Variants in SNRNP200 observed in about 807,000 individuals in gnomAD.
SNRNP200 encodes the protein U5 small nuclear ribonucleoprotein 200 kDa helicase.
A neutral mutation model predicts 255.2 loss-of-function variants in SNRNP200; 66 were observed. That is an observed-to-expected ratio of 0.26 (90% confidence interval 0.21 to 0.32). SNRNP200 has a LOEUF of 0.32. Ranked by LOEUF, SNRNP200 falls within the 10% of genes least tolerant of loss-of-function variation. SNRNP200 has a pLI of 1.00. For missense variants in SNRNP200, 1,585 were observed against 2,749.8 expected, an observed-to-expected ratio of 0.58 and a Z score of 9.47; for synonymous variants, 939 against 1,027.8, an observed-to-expected ratio of 0.91 and a Z score of 1.65.
chr2:96,293,770 T>C (rs2063899364), intron 14 of SNRNP200, among the ~76,000 whole-genome samples: 1 of 152,172 alleles, frequency 6.6e-6, no homozygotes, highest in South Asian at 2.1e-4. Flanking sequence ...GATAAATGAG[T>C]TTAAACTTTA....
chr2:96,292,830 A>C, intron 16 of SNRNP200, 142 bp downstream of exon 16: 2 of 926,450 alleles, frequency 2.2e-6, no homozygotes, highest in Non-Finnish European at 3.4e-6. Context: ...TAGGTTCTGT[A>C]GTAATATCCC....
At position 96,286,991 on chromosome 2, in the gene SNRNP200, C is replaced by T; in HGVS notation, c.3639+15G>A. ...AGCACCTCCAATCCAGCACCTCTGC[C>T]CAGCAAAGCCTCACCTTTTCATCCC... On this transcript the variant is annotated intron_variant, in intron 27 of 44. Transcript: ENST00000323853. This position sits in a 1 kb window ranked among gnomAD's most constrained non-coding sequence, Gnocchi z 4.8. 1 of 1,614,188 alleles carries T rather than the reference C, an allele frequency of 6.2e-7. No homozygotes were observed. The highest frequency in any genetic ancestry group is 8.5e-7 in the Non-Finnish European group (1 of 1,180,032).
rs77031376 is a variant in SNRNP200, at chr2:96,295,752, C to T, written c.1672-94G>A. On this transcript the variant is annotated intron_variant, in intron 13 of 44. Transcript: ENST00000323853. ...CAATTGGAGTGTAGGGCATTGGGAG[C>T]AGGTATCAACCCATCAGGTGAATAC... 6,802 of 1,295,636 alleles carry T rather than the reference C, an allele frequency of 5.2e-3. 277 individuals carry two copies. In the African/African-American group the frequency reaches 0.09, roughly 17 times the overall value. 80.3% of individuals were successfully genotyped at this position (1,295,636 alleles called of 1,614,324 possible).
intron 5 of SNRNP200, among the ~76,000 whole-genome samples, chr2:96,300,713 G>A (rs907371658): frequency 1.1e-4 from 16 of 151,754 alleles, no homozygotes; most frequent in Admixed American, 5.2e-4. Context: ...GCAGTGAGCC[G>A]AGATCGCACC....
rs570107661 is a variant in SNRNP200 at position 96,280,093 on chromosome 2, T to A, written c.5025-534A>T. The stretch of plus-strand genomic sequence containing the variant: ...CCAAACTTCATAGTTGTGTATTTCG[T>A]GAGTCATCAAGTCACCCAACTTTAA... On this transcript the variant is annotated intron_variant, in intron 35 of 44. Transcript: ENST00000323853. 2.0e-5 allele frequency among the ~76,000 whole-genome samples: 3 copies of A among 152,290 alleles called. No homozygotes were observed. In the South Asian group the frequency reaches 6.2e-4, roughly 32 times the overall value.
intron 2 of SNRNP200, among the ~76,000 whole-genome samples, chr2:96,304,356 G>C (rs747232988): frequency 6.6e-6 from 1 of 152,130 alleles, no homozygotes; most frequent in African/African-American, 2.4e-5. Flanking sequence ...ACGTGGACAA[G>C]AGTAAATGGA....
chr2:96,277,968 A>T lies in SNRNP200; in HGVS notation c.5611-18T>A, dbSNP rs1014990864. The T allele has an allele frequency of 3.7e-6, 6 of 1,614,092 alleles. No individual in the cohort carries two copies. Among genetic ancestry groups the T allele is most frequent in the Non-Finnish European group, 5.1e-6 (6 of 1,180,050 alleles). On this transcript the variant is annotated intron_variant, in intron 39 of 44. Transcript: ENST00000323853. The surrounding 1 kb of genome is among the most constrained non-coding windows in gnomAD (Gnocchi z 4.4). ...TGAGCCAACTACAAAGTGGAAGAAAAATAGCTGGTGATGAACAGGTGACCC... is the reference window on the plus strand; with the variant it reads ...TGAGCCAACTACAAAGTGGAAGAAATATAGCTGGTGATGAACAGGTGACCC...
intron 11 of SNRNP200, 101 bp downstream of exon 11, chr2:96,297,262 G>C: frequency 6.5e-7 from 1 of 1,548,872 alleles, no homozygotes; most frequent in Non-Finnish European, 8.9e-7. Context: ...TTTCAGCCCT[G>C]AAATAAACTA....
rs1206833231 is a variant in SNRNP200 at position 96,286,656 on chromosome 2, G to A, written c.3829+32C>T. The A allele has an allele frequency of 1.6e-5, 25 of 1,610,642 alleles. No individual in the cohort carries two copies. The highest frequency in any genetic ancestry group is 2.0e-5 in the Non-Finnish European group (24 of 1,178,338). On this transcript the variant is annotated intron_variant, in intron 28 of 44. Transcript: ENST00000323853. This position sits in a 1 kb window ranked among gnomAD's most constrained non-coding sequence, Gnocchi z 4.8. ...TTCTTCTACTGTCCTTGGAGGGACT[G>A]TTCCTGGGGACTCTGGAGAGGAGAC...
chr2:96,294,523 A>C (rs914043611), intron 14 of SNRNP200, among the ~76,000 whole-genome samples: 2 of 152,218 alleles, frequency 1.3e-5, no homozygotes, highest in African/African-American at 4.8e-5. Context: ...ATTGCAGCCA[A>C]AAGCAGCTGT....
Position 96,283,281 on chromosome 2 carries a change from G to A in SNRNP200, c.4835C>T (p.Thr1612Met), listed in dbSNP as rs1288236394. 5.6e-6 allele frequency: 9 copies of A among 1,613,946 alleles called. No homozygotes were observed. Among genetic ancestry groups the A allele is most frequent in the East Asian group, 2.2e-5 (1 of 44,888 alleles). ...EKLSDSTLKE[T>M]LLNGVGYLHE... ...CAGGTAGCCCACCCCATTTAGCAGC[G>A]TTTCCTTGAGCGTGCTGTCACTTAG... Residue 1612 changes from threonine (T) to methionine (M), a missense_variant, in exon 34 of 45, where the codon ACG (threonine) becomes ATG (methionine). Physicochemically the swap from Thr to Met is moderately conservative, Grantham distance 81 (BLOSUM62 -1). Coordinates refer to ENST00000323853, the MANE Select transcript of SNRNP200 (RefSeq NM_014014.5). This position sits in a 1 kb window ranked among gnomAD's most constrained non-coding sequence, Gnocchi z 4.7.
intron 8 of SNRNP200, 88 bp from the exon 9 acceptor site, chr2:96,298,508 A>G (rs1558771191): frequency 1.2e-6 from 2 of 1,610,150 alleles, no homozygotes; most frequent in Non-Finnish European, 1.7e-6. Context: ...AAAATAAAAG[A>G]AACAAGCACT....
At position 96,298,916 on chromosome 2, in the gene SNRNP200, G is replaced by T. The variant is rs746654808; in HGVS notation, c.781C>A (p.Arg261=). The T allele has an allele frequency of 1.9e-6, 3 of 1,614,006 alleles. No individual in the cohort carries two copies. Among genetic ancestry groups the T allele is most frequent in the Non-Finnish European group, 1.7e-6 (2 of 1,180,054 alleles). Residue 261 remains arginine, a synonymous_variant, in exon 7 of 45, where the codon CGG becomes AGG. Coordinates refer to ENST00000323853, the MANE Select transcript of SNRNP200 (RefSeq NM_014014.5). ...MSSKKKDLHP[R]DIDAFWLQRQ... ...TGCAGCCAAAATGCATCAATATCCC[G>T]AGGGTGCAAATCCTTCTTCTTGGAA...
rs76204002 is a variant in SNRNP200 at position 96,291,176 on chromosome 2, C to T, written c.2421+216G>A. 0.024 allele frequency among the ~76,000 whole-genome samples: 3,671 copies of T among 152,206 alleles called. 145 individuals are homozygous for T. The highest frequency in any genetic ancestry group is 0.085 in the African/African-American group (3,516 of 41,508). The stretch of plus-strand genomic sequence containing the variant: ...TCTGAAGTCACCAAAGTGCTTGCTT[C>T]ACTATGCTTCTCAGACTATCCTAAA... On this transcript the variant is annotated intron_variant, in intron 18 of 44. Coordinates refer to ENST00000323853, the MANE Select transcript of SNRNP200 (RefSeq NM_014014.5). This position sits in a 1 kb window ranked among gnomAD's most constrained non-coding sequence, Gnocchi z 4.2.
At position 96,293,018 on chromosome 2, in the gene SNRNP200, T is replaced by G; in HGVS notation, c.2114A>C (p.Asn705Thr). The change falls in exon 16 of 45, where the codon AAT (asparagine) becomes ACT (threonine). Residue 705 changes from asparagine (N) to threonine (T), a missense_variant. By Grantham distance (65) the Asn-to-Thr change is moderately conservative (BLOSUM62 0). Transcript: ENST00000323853. The stretch of plus-strand genomic sequence containing the variant: ...CATGATTTTTTCATAGACGATTTCA[T>G]TCATGATCTGGAAACGCTTGATAGC... ...KKAIKRFQIM[N>T]EIVYEKIMEH... 4 of 1,614,190 alleles carry G rather than the reference T, an allele frequency of 2.5e-6. No individual in the cohort carries two copies. The highest frequency in any genetic ancestry group is 3.4e-6 in the Non-Finnish European group (4 of 1,180,022).
rs566233126 is a variant in SNRNP200, at chr2:96,277,885, G to A, written c.5676C>T (p.Asn1892=). The change falls in exon 40 of 45, where the codon AAC becomes AAT. Residue 1892 remains asparagine, a synonymous_variant. Coordinates refer to ENST00000323853, the MANE Select transcript of SNRNP200 (RefSeq NM_014014.5). The surrounding 1 kb of genome is among the most constrained non-coding windows in gnomAD (Gnocchi z 4.4). ...PKFNDPHVKT[N]LLLQAHLSRM... The stretch of plus-strand genomic sequence containing the variant: ...GAGACAAGTGAGCCTGCAGGAGCAG[G>A]TTGGTCTTGACGTGCGGATCATTGA... 1.1e-5 allele frequency: 17 copies of A among 1,614,258 alleles called. No individual in the cohort carries two copies. The South Asian group carries it at 1.8e-4, about 17-fold the overall frequency.
rs1399312333 is a variant in SNRNP200, at chr2:96,284,581, T to A, written c.4169A>T (p.Tyr1390Phe). ...CTGGAACTTCTCGTACCAGTCCATG[T>A]ATACCTGGCGGGCAGAGGAGGGAGG... ...TPMEALAEQV[Y>F]MDWYEKFQDR... Residue 1390 changes from tyrosine to phenylalanine, a missense_variant, in exon 31 of 45, where the codon TAC (tyrosine) becomes TTC (phenylalanine). Transcript: ENST00000323853. The A allele has an allele frequency of 2.5e-6, 4 of 1,612,552 alleles. No individual in the cohort carries two copies. Among genetic ancestry groups the A allele is most frequent in the East Asian group, 2.2e-5 (1 of 44,882 alleles).
In SNRNP200 at chr2:96,301,653, G is replaced by A. The variant is rs779285618; in HGVS notation, c.445C>T (p.Arg149Trp). Reference sequence around the variant, plus strand: ...ATCTCCTTTCGCCTTTCCTTGTCCCGCAGCTTTTCATTCTTTAGAACAGCT... The same window carrying A: ...ATCTCCTTTCGCCTTTCCTTGTCCCACAGCTTTTCATTCTTTAGAACAGCT... ...VLAVLKNEKLRDKERRKEIDL... is the reference protein window; with the variant it reads ...VLAVLKNEKLWDKERRKEIDL... Residue 149 changes from arginine (R) to tryptophan (W), a missense_variant, in exon 4 of 45, where the codon CGG becomes TGG. This residue lies in a region of SNRNP200 where 383 missense variants were observed against 645.3 expected (regional missense o/e 0.59). Transcript: ENST00000323853. The A allele has an allele frequency of 3.7e-6, 6 of 1,613,972 alleles. No individual in the cohort carries two copies. The highest frequency in any genetic ancestry group is 5.1e-6 in the Non-Finnish European group (6 of 1,180,028).
intron 5 of SNRNP200, among the ~76,000 whole-genome samples, chr2:96,299,947 A>G (rs188322614): frequency 6.6e-6 from 1 of 152,162 alleles, no homozygotes; most frequent in African/African-American, 2.4e-5. Context: ...AAAATCATCA[A>G]ATCCTATTAA....
Sources: gnomAD v4.1 joint callset for allele counts (sites outside exome capture counted in the v4.1 genomes callset) on GRCh38, gnomAD v4.1.1 for gene constraint, gnomAD v4.1.1 regional missense constraint, Gnocchi (gnomAD v3.1) non-coding constraint, MANE v1.5 for transcripts, NCBI Gene and HGNC (gene_info 2026-07-23, HGNC 2026-07-21) for gene names.